CENPW: variants seen among roughly 807,000 people sequenced by gnomAD.
The protein encoded by CENPW is cancer-up-regulated gene 2 protein.
Under a neutral mutation model 11.1 loss-of-function variants are expected in CENPW, and 3 were observed. The observed-to-expected ratio is 0.27, with a 90% CI of 0.12 to 0.70. The LOEUF (loss-of-function observed/expected upper bound fraction) is 0.70, where lower values mean the gene tolerates loss of function less well. Among genes scored for constraint, CENPW ranks in the 30% least tolerant of loss-of-function variants. The pLI is 0.77. For missense variants in CENPW, 100 were observed against 105.6 expected (o/e 0.95, Z 0.23); for synonymous variants, 38 against 42.0 (o/e 0.91, Z 0.37).
chr6:126,445,035 G>C, the CENPW span, among the ~76,000 whole-genome samples: 6 of 151,132 alleles, frequency 4.0e-5, no homozygotes, highest in Non-Finnish European at 8.9e-5. Context: ...AATTATGTTG[G>C]TCAAGACTCC....
At chr6:126,400,199 C>A in the CENPW span, among the ~76,000 whole-genome samples, 1 of 151,996 alleles carries the variant, frequency 6.6e-6, no homozygotes, top group Admixed American at 6.6e-5. Flanking sequence ...TTTTACACCC[C>A]ACAGAAATGT....
chr6:126,432,066 CAAA>C, the CENPW span, among the ~76,000 whole-genome samples: 5 of 36,558 alleles, frequency 1.4e-4, no homozygotes, highest in East Asian at 9.6e-4. Context: ...CTCCATCTCA[CAAA>C]AAAAAAAAAA....
the CENPW span, among the ~76,000 whole-genome samples, chr6:126,414,473 C>A: frequency 2.0e-4 from 30 of 152,014 alleles, no homozygotes; most frequent in Admixed American, 2.0e-3. Flanking sequence ...TATCAGTGAA[C>A]TAAAACTGAA....
At chr6:126,382,311 A>G in the CENPW span, among the ~76,000 whole-genome samples, 1 of 152,120 alleles carries the variant, frequency 6.6e-6, no homozygotes, top group Non-Finnish European at 1.5e-5. Context: ...GCAGCTGCAA[A>G]GAGTGAAGGC....
downstream of CENPW, among the ~76,000 whole-genome samples, chr6:126,351,667 G>A (rs564490709): frequency 1.4e-4 from 22 of 152,012 alleles, no homozygotes; most frequent in African/African-American, 5.1e-4. Context: ...AGTAACTACT[G>A]TTTTTGGCCA....
At chr6:126,373,919 C>T in the CENPW span, among the ~76,000 whole-genome samples, 1 of 152,152 alleles carries the variant, frequency 6.6e-6, no homozygotes, top group Non-Finnish European at 1.5e-5. Flanking sequence ...TTTGGAGGCT[C>T]TCTTTGGAGA....
chr6:126,344,365 G>A lies in CENPW; in HGVS notation c.127-1840G>A, dbSNP rs150784056. On this transcript the variant is annotated intron_variant, in intron 1 of 2. Transcript: ENST00000368328. ...TTGAATTCTCAGAGAAATTCAAAAG[G>A]CCTAGTGTAGAACTGGAAGCTTAGA... 3.2e-3 allele frequency among the ~76,000 whole-genome samples: 490 copies of A among 152,310 alleles called. 1 individual carries two copies. The highest frequency in any genetic ancestry group is 0.011 in the African/African-American group (461 of 41,558).
At chr6:126,405,169 G>A in the CENPW span, among the ~76,000 whole-genome samples, 1 of 152,108 alleles carries the variant, frequency 6.6e-6, no homozygotes, top group African/African-American at 2.4e-5. Flanking sequence ...TTTTGGTTGA[G>A]TTTTGTATAT....
chr6:126,448,327 G>T, the CENPW span, among the ~76,000 whole-genome samples: 1 of 151,072 alleles, frequency 6.6e-6, no homozygotes, highest in South Asian at 2.1e-4. Flanking sequence ...TATGTAGTCT[G>T]ATCTCAGACC....
the CENPW span, among the ~76,000 whole-genome samples, chr6:126,445,456 A>G: frequency 7.9e-3 from 1,191 of 151,346 alleles, 13 homozygotes; most frequent in African/African-American, 0.027. Context: ...ATCTTATTTC[A>G]TGACTCTAAG....
chr6:126,411,360 G>C, the CENPW span, among the ~76,000 whole-genome samples: 1 of 152,122 alleles, frequency 6.6e-6, no homozygotes, highest in Admixed American at 6.6e-5. Flanking sequence ...TTCTATTCCT[G>C]TTTTCCCCAC....
the CENPW span, among the ~76,000 whole-genome samples, chr6:126,405,429 C>T: frequency 4.8e-4 from 73 of 152,112 alleles, no homozygotes; most frequent in African/African-American, 1.7e-3. Context: ...ATTTTGAAGA[C>T]AGTAGTGTGA....
At chr6:126,370,799 C>CT in the CENPW span, among the ~76,000 whole-genome samples, 3 of 151,186 alleles carry the variant, frequency 2.0e-5, no homozygotes, top group African/African-American at 7.3e-5. Context: ...GTCACCCAGG[C>CT]TGGAGTGCAG....
chr6:126,415,028 C>T, the CENPW span, among the ~76,000 whole-genome samples: 1 of 151,920 alleles, frequency 6.6e-6, no homozygotes, highest in Non-Finnish European at 1.5e-5. Flanking sequence ...TACAACCTAA[C>T]AAGATTGAGC....
the CENPW span, among the ~76,000 whole-genome samples, chr6:126,361,434 T>C: frequency 3.3e-5 from 5 of 152,180 alleles, no homozygotes; most frequent in Non-Finnish European, 7.3e-5. Flanking sequence ...GAGCTGGGAC[T>C]ACAGGCGCCG....
the CENPW span, among the ~76,000 whole-genome samples, chr6:126,372,736 G>C: frequency 6.6e-6 from 1 of 152,130 alleles, no homozygotes; most frequent in African/African-American, 2.4e-5. Flanking sequence ...GATTCAGAAG[G>C]AGTTATAATG....
chr6:126,371,641 T>A, the CENPW span, among the ~76,000 whole-genome samples: 25 of 152,206 alleles, frequency 1.6e-4, no homozygotes, highest in Non-Finnish European at 2.8e-4. Flanking sequence ...TGTAGCATAA[T>A]GTCAATAGAA....
At chr6:126,434,546 C>T in the CENPW span, among the ~76,000 whole-genome samples, 1 of 151,924 alleles carries the variant, frequency 6.6e-6, no homozygotes, top group Admixed American at 6.6e-5. Flanking sequence ...TACAATTATG[C>T]TTACCTCTAG....
the CENPW span, among the ~76,000 whole-genome samples, chr6:126,467,035 G>A: frequency 6.6e-6 from 1 of 152,248 alleles, no homozygotes; most frequent in Admixed American, 6.5e-5. Context: ...TCATGAATTA[G>A]AAGAATTAAT....
Sources: allele counts gnomAD v4.1 joint callset (sites outside exome capture counted in the v4.1 genomes callset), GRCh38; gene constraint gnomAD v4.1.1; transcripts MANE v1.5; gene names NCBI Gene and HGNC (gene_info 2026-07-23, HGNC 2026-07-21).